Variants in FLNB observed in about 807,000 individuals in gnomAD.
FLNB encodes filamin B.
Under a neutral mutation model 250.6 loss-of-function variants are expected in FLNB, and 111 were observed. The ratio of observed to expected loss-of-function variants is 0.44; its 90% CI spans 0.38 to 0.52. FLNB has a LOEUF of 0.52. Among genes scored for constraint, FLNB ranks in the 20% least tolerant of loss-of-function variants. FLNB has a pLI of 0.00. For missense variants in FLNB, 2,869 were observed against 3,447.8 expected, an observed-to-expected ratio of 0.83 and a Z score of 4.20; for synonymous variants, 1,302 against 1,372.1, an observed-to-expected ratio of 0.95 and a Z score of 1.13.
chr3:58,066,489 G>A (rs560861446), intron 1 of FLNB, among the ~76,000 whole-genome samples: 8 of 152,242 alleles, frequency 5.3e-5, no homozygotes, highest in Non-Finnish European at 1.0e-4. Context: ...AAAATGCTGG[G>A]ATTACAGGCA....
chr3:58,081,618 C>A lies in FLNB; in HGVS notation c.640-11C>A. 1.2e-6 allele frequency: 2 copies of A among 1,613,690 alleles called. No homozygotes were observed. Among genetic ancestry groups the A allele is most frequent in the Non-Finnish European group, 1.7e-6 (2 of 1,179,762 alleles). On this transcript the variant is annotated splice_polypyrimidine_tract_variant and intron_variant, in intron 3 of 45. Coordinates refer to ENST00000295956, the MANE Select transcript of FLNB (RefSeq NM_001457.4). ...TGTTCTGGGTGTTCATCCACCATGT[C>A]ATTATCCTAGGTCATCACTCCTGAA...
In FLNB at chr3:58,055,663, A is replaced by G. The variant is rs2097169319; in HGVS notation, c.293-21383A>G. ...CTATGGCCTGTGGGCCAAATTTTGAAGTCCTTTTACTTTTTGGTTCTAAAA... is the reference window on the plus strand; with the variant it reads ...CTATGGCCTGTGGGCCAAATTTTGAGGTCCTTTTACTTTTTGGTTCTAAAA... On this transcript the variant is annotated intron_variant, in intron 1 of 45. Transcript: ENST00000295956. Among the ~76,000 whole-genome samples the G allele has an allele frequency of 2.0e-5, 3 of 152,358 alleles. No individual in the cohort carries two copies. In the South Asian group the frequency reaches 6.2e-4, roughly 32 times the overall value.
At chr3:58,081,536 T>A in intron 3 of FLNB, 93 bp from the exon 4 acceptor site, 1 of 1,144,196 alleles carries the variant, frequency 8.7e-7, no homozygotes, top group Non-Finnish European at 1.3e-6. Context: ...TTTCTTAATA[T>A]TTGTAGTGCT....
At position 58,015,498 on chromosome 3, in the gene FLNB, A is replaced by G. The variant is rs542054093; in HGVS notation, c.292+6642A>G. On this transcript the variant is annotated intron_variant, in intron 1 of 45. Transcript: ENST00000295956. ...TCATTCAACAAATATATGAAAGCCCATCTCTGAACCAGGCCCTGTGCTGGG... is the reference window on the plus strand; with the variant it reads ...TCATTCAACAAATATATGAAAGCCCGTCTCTGAACCAGGCCCTGTGCTGGG... Among the ~76,000 whole-genome samples the G allele has an allele frequency of 1.9e-4, 29 of 152,286 alleles. No homozygotes were observed. In the South Asian group the frequency reaches 6.0e-3, roughly 32 times the overall value.
intron 5 of FLNB, 63 bp downstream of exon 5, chr3:58,095,017 C>T (rs901727042): frequency 1.3e-4 from 158 of 1,239,976 alleles, no homozygotes; most frequent in Non-Finnish European, 1.8e-4. Context: ...GCTTGTAATG[C>T]GGCCAGGGAC....
At chr3:58,078,437 G>T (rs1161933750) in intron 2 of FLNB, 2 of 1,534,328 alleles carry the variant, frequency 1.3e-6, no homozygotes, top group African/African-American at 1.4e-5. Context: ...TCCAAGCTTT[G>T]TTTATTTTTT....
At chr3:58,092,792 A>G (rs1454598304) in intron 4 of FLNB, among the ~76,000 whole-genome samples, 8 of 152,212 alleles carry the variant, frequency 5.3e-5, no homozygotes, top group African/African-American at 1.9e-4. Context: ...TCTCACAGCT[A>G]AAGAAAAAAA....
At chr3:58,154,998 T>G in intron 40 of FLNB, 70 bp downstream of exon 40, 1 of 1,519,984 alleles carries the variant, frequency 6.6e-7, no homozygotes, top group Non-Finnish European at 9.1e-7. Flanking sequence ...GGAACAGAAA[T>G]CCATCAAGTT....
chr3:58,120,469 C>T (rs1041109767), intron 19 of FLNB, among the ~76,000 whole-genome samples: 1 of 152,186 alleles, frequency 6.6e-6, no homozygotes, highest in African/African-American at 2.4e-5. Context: ...TGGCAGGGGC[C>T]CTGTGTTCCC....
chr3:58,079,472 C>T (rs755809159), intron 3 of FLNB, among the ~76,000 whole-genome samples: 28 of 152,074 alleles, frequency 1.8e-4, no homozygotes, highest in East Asian at 3.9e-4. Context: ...AGGCTAGTCT[C>T]GAACTCCTGA....
chr3:58,148,273 G>A lies in FLNB; in HGVS notation c.5796G>A (p.Glu1932=). The A allele has an allele frequency of 6.2e-7, 1 of 1,614,188 alleles. No individual in the cohort carries two copies. The highest frequency in any genetic ancestry group is 1.3e-5 in the African/African-American group (1 of 75,060). ...CTGACTTCCTGCTCGACATCAGTGAGACTGACCTCAGCAGCCTGACGGCCA... is the reference window on the plus strand; with the variant it reads ...CTGACTTCCTGCTCGACATCAGTGAAACTGACCTCAGCAGCCTGACGGCCA... ...SAADFLLDIS[E]TDLSSLTASI... is the part of the protein sequence containing the mutation. Residue 1932 remains glutamate, a synonymous_variant, in exon 35 of 46, where the codon GAG becomes GAA. Coordinates refer to ENST00000295956, the MANE Select transcript of FLNB (RefSeq NM_001457.4).
rs548364805 is a variant in FLNB, at chr3:58,029,506, C to CTTT, written c.292+20663_292+20665dup. ...GAAGTTGTGATTAAGAATGAGAATT[C>CTTT]TTTTTTTTTTTTTTTGTCTCAAGAG... On this transcript the variant is annotated intron_variant, in intron 1 of 45. Transcript: ENST00000295956. Among the ~76,000 whole-genome samples the CTTT allele has an allele frequency of 4.0e-3, 540 of 136,512 alleles. 6 individuals carry two copies. Among genetic ancestry groups the CTTT allele is most frequent in the African/African-American group, 0.014 (506 of 37,152 alleles). 89.6% of individuals were successfully genotyped at this position (136,512 alleles called of 152,430 possible).
chr3:58,159,814 T>C (rs2097358703), intron 42 of FLNB, 128 bp downstream of exon 42: 1 of 986,642 alleles, frequency 1.0e-6, no homozygotes, highest in African/African-American at 1.6e-5. Flanking sequence ...TTCCCTTTGC[T>C]GTTGCCAGAT....
chr3:58,121,209 G>A, intron 19 of FLNB, 32 bp from the exon 20 acceptor site: 1 of 1,614,100 alleles, frequency 6.2e-7, no homozygotes, highest in Non-Finnish European at 8.5e-7. Context: ...AAAAGGGTCA[G>A]CTCTTCACCT....
intron 14 of FLNB, 48 bp downstream of exon 14, chr3:58,109,370 A>C (rs1290555534): frequency 6.3e-7 from 1 of 1,595,042 alleles, no homozygotes; most frequent in Non-Finnish European, 8.5e-7. Context: ...ATGCCTGGTC[A>C]TACACCAGGT....
chr3:58,166,925 A>G (rs753493661), intron 43 of FLNB, among the ~76,000 whole-genome samples: 45 of 152,318 alleles, frequency 3.0e-4, no homozygotes, highest in Non-Finnish European at 6.0e-4. Flanking sequence ...CAGGAGCTCA[A>G]GACCAGCCTG....
At position 58,134,691 on chromosome 3, in the gene FLNB, T is replaced by C. The variant is rs141477764; in HGVS notation, c.4590T>C (p.Tyr1530=). ...CCAGTGGCCCCGGCCTTAGTTCCTA[T>C]GGTGTGCCTGCCAGTCTACCTGTGG... ...VTASGPGLSS[Y]GVPASLPVDF... The change falls in exon 27 of 46, where the codon TAT becomes TAC. Residue 1530 remains tyrosine (Y), a synonymous_variant. Transcript: ENST00000295956. 2.4e-4 allele frequency: 381 copies of C among 1,614,088 alleles called. No individual in the cohort carries two copies. The highest frequency in any genetic ancestry group is 1.2e-3 in the South Asian group (112 of 91,092).
chr3:58,045,467 C>T (rs766568045), intron 1 of FLNB, among the ~76,000 whole-genome samples: 10 of 151,714 alleles, frequency 6.6e-5, no homozygotes, highest in African/African-American at 1.7e-4. Context: ...GAGATCCTTT[C>T]GCATTTGTTT....
intron 41 of FLNB, 138 bp from the exon 42 acceptor site, chr3:58,159,416 C>T: frequency 1.2e-6 from 1 of 833,062 alleles, no homozygotes; most frequent in Non-Finnish European, 2.0e-6. Flanking sequence ...AATGGCTCAC[C>T]TGCCCTTTGT....
Sources: allele counts gnomAD v4.1 joint callset (sites outside exome capture counted in the v4.1 genomes callset), GRCh38; gene constraint gnomAD v4.1.1; transcripts MANE v1.5; gene names NCBI Gene and HGNC (gene_info 2026-07-23, HGNC 2026-07-21).